ADGRB1: variants seen among roughly 807,000 people sequenced by gnomAD.
ADGRB1 encodes the protein brain-specific angiogenesis inhibitor 1.
Under a neutral mutation model 175.7 loss-of-function variants are expected in ADGRB1, and 36 were observed. That is an observed-to-expected ratio of 0.20 (90% CI 0.16 to 0.27). The LOEUF is 0.27. ADGRB1 is among the 10% of genes least tolerant of loss of function. ADGRB1 has a pLI of 1.00. For synonymous variants in ADGRB1, 1,054 were observed against 979.4 expected (o/e 1.08, Z -1.42); for missense variants, 1,731 against 2,255.3 (o/e 0.77, Z 4.71).
At chr8:142,473,807 G>A (rs1375417100) in intron 2 of ADGRB1, among the ~76,000 whole-genome samples, 1 of 152,234 alleles carries the variant, frequency 6.6e-6, no homozygotes, top group Non-Finnish European at 1.5e-5. Context: ...TCCCACAGCT[G>A]TGGTGGGTCA....
At position 142,464,600 on chromosome 8, in the gene ADGRB1, C is replaced by T. The variant is rs749094939; in HGVS notation, c.402C>T (p.Ala134=). ...LRLCDPSAPL[A]FLQASKQFLQ... is the part of the protein sequence containing the mutation. ...TCTGCGACCCCTCCGCACCCCTGGC[C>T]TTCCTGCAGGCCAGCAAGCAGTTCC... Residue 134 remains alanine (A), a synonymous_variant, in exon 2 of 31, where the codon GCC becomes GCT. Transcript: ENST00000517894. The T allele has an allele frequency of 3.5e-5, 53 of 1,527,218 alleles. 1 individual carries two copies. The highest frequency in any genetic ancestry group is 2.4e-4 in the South Asian group (20 of 82,760). 94.6% of individuals were successfully genotyped at this position (1,527,218 alleles called of 1,614,324 possible).
At chr8:142,522,193 C>T in intron 21 of ADGRB1, 78 bp downstream of exon 21, 26 of 1,547,358 alleles carry the variant, frequency 1.7e-5, no homozygotes, top group Non-Finnish European at 2.2e-5. Flanking sequence ...GCAGCCCCTC[C>T]TCTCCCCATC....
At chr8:142,475,702 G>C (rs952263384) in intron 3 of ADGRB1, 67 bp downstream of exon 3, 5 of 1,210,236 alleles carry the variant, frequency 4.1e-6, no homozygotes, top group South Asian at 4.2e-5. Context: ...GGAGGAGAGG[G>C]GGGTGGGGCC....
intron 18 of ADGRB1, among the ~76,000 whole-genome samples, chr8:142,512,110 G>A (rs1482173049): frequency 1.3e-5 from 2 of 152,246 alleles, no homozygotes; most frequent in African/African-American, 4.8e-5. Flanking sequence ...AGCCGGATGG[G>A]ACCCTCCAGG....
intron 13 of ADGRB1, among the ~76,000 whole-genome samples, chr8:142,485,525 T>C (rs1841623821): frequency 6.6e-6 from 1 of 152,192 alleles, no homozygotes; most frequent in Non-Finnish European, 1.5e-5. Context: ...ACCCTGTCTC[T>C]ACAAATGTTT....
chr8:142,465,141 C>A (rs937564758), intron 2 of ADGRB1, among the ~76,000 whole-genome samples, 159 bp downstream of exon 2: 1 of 152,060 alleles, frequency 6.6e-6, no homozygotes, highest in Non-Finnish European at 1.5e-5. Flanking sequence ...GGTCTTCTTC[C>A]GCAGGGCTGC....
intron 18 of ADGRB1, among the ~76,000 whole-genome samples, chr8:142,517,806 C>A (rs1026454173): frequency 1.3e-5 from 2 of 152,158 alleles, no homozygotes; most frequent in Non-Finnish European, 2.9e-5. Flanking sequence ...GCCCCGTCTG[C>A]AGTGTGGGGC....
chr8:142,461,797 G>C (rs1423702480), intron 1 of ADGRB1, among the ~76,000 whole-genome samples: 1 of 152,174 alleles, frequency 6.6e-6, no homozygotes, highest in Non-Finnish European at 1.5e-5. Context: ...GGCCTCCTTT[G>C]CACTTGGAGG....
chr8:142,475,359 C>A, intron 2 of ADGRB1, 115 bp from the exon 3 acceptor site: 2 of 1,097,612 alleles, frequency 1.8e-6, no homozygotes, highest in Non-Finnish European at 2.3e-6. Context: ...TTCCCCGGCA[C>A]TGCGGCCCCT....
rs1245036705 is a variant in ADGRB1, at chr8:142,500,401, C to G, written c.2675+9586C>G. On this transcript the variant is annotated intron_variant, in intron 17 of 30. Transcript: ENST00000517894. ...GCCCCCCGCGCCGCTCCTCCCCCGC[C>G]CCCTACACCGCTCCTCCACCACCCC... Among the ~76,000 whole-genome samples the G allele has an allele frequency of 1.6e-5, 2 of 122,250 alleles. 1 individual carries two copies. Among genetic ancestry groups the G allele is most frequent in the African/African-American group, 7.4e-5 (2 of 27,092 alleles). The allele number at this position is 122,250 out of a possible 152,430, so 80.2% of individuals were successfully genotyped here. A position where few individuals can be genotyped will look rare whatever the true frequency, so the allele number is the denominator to read the frequency against.
At chr8:142,456,687 T>C (rs908518443) in intron 1 of ADGRB1, among the ~76,000 whole-genome samples, 6 of 152,224 alleles carry the variant, frequency 3.9e-5, no homozygotes, top group African/African-American at 1.4e-4. Context: ...TCGGTCTCGC[T>C]CCTCCCAAAT....
intron 11 of ADGRB1, 149 bp downstream of exon 11, chr8:142,481,860 A>C (rs760883285): frequency 7.3e-5 from 53 of 727,602 alleles, no homozygotes; most frequent in Non-Finnish European, 1.1e-4. Flanking sequence ...TCACACATTT[A>C]ATCTTGGTCA....
In ADGRB1 at chr8:142,542,275, C is replaced by A. The variant is rs2132288593; in HGVS notation, c.4041C>A (p.Ile1347=). The A allele has an allele frequency of 6.2e-7, 1 of 1,613,468 alleles. No individual in the cohort carries two copies. The highest frequency in any genetic ancestry group is 2.2e-5 in the East Asian group (1 of 44,862). ...QEKALDTSYV[I]LPTATATLRP... ...AGGCTCTGGACACGAGCTACGTGATCCTGCCCACGGCCACGGCCACGCTGC... is the reference window on the plus strand; with the variant it reads ...AGGCTCTGGACACGAGCTACGTGATACTGCCCACGGCCACGGCCACGCTGC... Residue 1347 remains isoleucine (I), a synonymous_variant, in exon 28 of 31, where the codon ATC becomes ATA. Coordinates refer to ENST00000517894, the MANE Select transcript of ADGRB1 (RefSeq NM_001702.3). The surrounding 1 kb of genome is among the most constrained non-coding windows in gnomAD (Gnocchi z 6.3).
intron 1 of ADGRB1, among the ~76,000 whole-genome samples, chr8:142,452,852 G>A (rs1839436820): frequency 6.6e-6 from 1 of 150,910 alleles, no homozygotes; most frequent in Non-Finnish European, 1.5e-5. Flanking sequence ...CCAGGCCCAG[G>A]CGGCCGGCGC....
rs1353545955 is a variant in ADGRB1 at position 142,449,986 on chromosome 8, G to A, written c.-338G>A. 6.7e-6 allele frequency: 1 copy of A among 149,884 alleles called. No homozygotes were observed. Among genetic ancestry groups the A allele is most frequent in the Non-Finnish European group, 1.5e-5 (1 of 66,936 alleles). 9.3% of individuals were successfully genotyped at this position (149,884 alleles called of 1,614,324 possible). ...GGGCCGGGGGCGGCGGCGGCTGGAG[G>A]AGCCCCCCCCACCTCCGGTCGGGCG... is the stretch of plus-strand genomic sequence containing the variant. On this transcript the variant is annotated 5_prime_UTR_variant, in exon 1 of 31. Transcript: ENST00000517894.
At chr8:142,538,786 C>G (rs577335271) in intron 26 of ADGRB1, among the ~76,000 whole-genome samples, 1 of 152,150 alleles carries the variant, frequency 6.6e-6, no homozygotes, top group Non-Finnish European at 1.5e-5. Context: ...AACATCCCCC[C>G]CCACCACCTC....
At position 142,504,751 on chromosome 8, in the gene ADGRB1, T is replaced by G. The variant is rs1413277910; in HGVS notation, c.2676-6181T>G. Among the ~76,000 whole-genome samples the G allele has an allele frequency of 1.3e-5, 2 of 151,972 alleles. No individual in the cohort carries two copies. The highest frequency in any genetic ancestry group is 4.8e-5 in the African/African-American group (2 of 41,358). ...TACCTAGGGGTGATCGAGCCGCGTG[T>G]TGGTTTAAGGGGCACTGGGGAGGCC... On this transcript the variant is annotated intron_variant, in intron 17 of 30. Transcript: ENST00000517894. The surrounding 1 kb of genome is among the most constrained non-coding windows in gnomAD (Gnocchi z 5.6).
intron 13 of ADGRB1, among the ~76,000 whole-genome samples, chr8:142,485,309 A>G (rs991441053): frequency 3.3e-5 from 5 of 152,174 alleles, no homozygotes; most frequent in African/African-American, 1.2e-4. Context: ...CAGCAATTCT[A>G]TTTAATGACT....
At chr8:142,520,196 G>A (rs1402311517) in intron 19 of ADGRB1, among the ~76,000 whole-genome samples, 1 of 117,124 alleles carries the variant, frequency 8.5e-6, no homozygotes, top group East Asian at 2.6e-4. Context: ...TGGTGCTGGT[G>A]CTAGTGATTA....
Sources: gnomAD v4.1 joint callset for allele counts (sites outside exome capture counted in the v4.1 genomes callset) on GRCh38, gnomAD v4.1.1 for gene constraint, Gnocchi (gnomAD v3.1) non-coding constraint, MANE v1.5 for transcripts, NCBI Gene and HGNC (gene_info 2026-07-23, HGNC 2026-07-21) for gene names.